CSNK1G1: variants seen among roughly 807,000 people sequenced by gnomAD.
CSNK1G1 encodes casein kinase 1 gamma 1.
CSNK1G1 carries 22 observed loss-of-function variants against 59.6 expected under a neutral mutation model. The observed-to-expected ratio is 0.37, with a 90% CI of 0.26 to 0.53. The LOEUF is 0.53. CSNK1G1 is among the 20% of genes least tolerant of loss of function. The pLI is 0.89. For missense variants in CSNK1G1, 384 were observed against 519.5 expected (o/e 0.74, Z 2.54); for synonymous variants, 179 against 177.1 (o/e 1.01, Z -0.08).
In CSNK1G1 at chr15:64,188,251, A is replaced by C; in HGVS notation, c.1108-7797T>G. ...AAGTCCACCTAGACAGAAAATCTAC[A>C]GAGATATTCAATTAGCCCTTCCTGT... On this transcript the variant is annotated intron_variant, in intron 10 of 11. Transcript: ENST00000303052. The surrounding 1 kb of genome is among the most constrained non-coding windows in gnomAD (Gnocchi z 4.2). 9.4e-6 allele frequency: 6 copies of C among 638,990 alleles called. No homozygotes were observed. The highest frequency in any genetic ancestry group is 1.6e-5 in the Non-Finnish European group (6 of 378,670). 39.6% of individuals were successfully genotyped at this position (638,990 alleles called of 1,614,324 possible). A position where few individuals can be genotyped will look rare whatever the true frequency, so the allele number is the denominator to read the frequency against.
chr15:64,171,878 A>C lies in CSNK1G1; in HGVS notation c.*53T>G. ...TCCAATGAGAAATGGCAGGAGCTGCAGGTACAATTGAGTCAGAGTCCCCAG... is the reference window on the plus strand; with the variant it reads ...TCCAATGAGAAATGGCAGGAGCTGCCGGTACAATTGAGTCAGAGTCCCCAG... On this transcript the variant is annotated 3_prime_UTR_variant, in exon 12 of 12. Transcript: ENST00000303052. This position sits in a 1 kb window ranked among gnomAD's most constrained non-coding sequence, Gnocchi z 4.8. 1.5e-5 allele frequency: 21 copies of C among 1,405,480 alleles called. No individual in the cohort carries two copies. Among genetic ancestry groups the C allele is most frequent in the Non-Finnish European group, 2.1e-5 (21 of 989,480 alleles). 87.1% of individuals were successfully genotyped at this position (1,405,480 alleles called of 1,614,324 possible).
At chr15:64,278,211 TA>T (rs1187485026) in intron 2 of CSNK1G1, among the ~76,000 whole-genome samples, 2 of 150,712 alleles carry the variant, frequency 1.3e-5, no homozygotes. Flanking sequence ...CACTCTTGGC[TA>T]ATTTTTGTAT....
Position 64,214,279 on chromosome 15 carries a change from CAAA to C in CSNK1G1, c.445-158_445-156del. 1 of 620,362 alleles carries C rather than the reference CAAA, an allele frequency of 1.6e-6. No homozygotes were observed. The highest frequency in any genetic ancestry group is 2.8e-6 in the Non-Finnish European group (1 of 351,576). The allele number at this position is 620,362 out of a possible 1,614,324, so 38.4% of individuals were successfully genotyped here. A position where few individuals can be genotyped will look rare whatever the true frequency, so the allele number is the denominator to read the frequency against. ...CTGAGTCACTTCACTGACTTGTAAA[CAAA>C]AAAATATTTTGCTATAAATACGTAC... On this transcript the variant is annotated intron_variant, in intron 5 of 11. Coordinates refer to ENST00000303052, the MANE Select transcript of CSNK1G1 (RefSeq NM_022048.5). This position sits in a 1 kb window ranked among gnomAD's most constrained non-coding sequence, Gnocchi z 4.3.
At chr15:64,223,394 A>C (rs2082416272) in intron 4 of CSNK1G1, among the ~76,000 whole-genome samples, 1 of 152,248 alleles carries the variant, frequency 6.6e-6, no homozygotes. Flanking sequence ...CACATGCGGT[A>C]AACAGGTACT....
intron 11 of CSNK1G1, among the ~76,000 whole-genome samples, chr15:64,179,839 C>T (rs1050863518): frequency 6.6e-6 from 1 of 152,204 alleles, no homozygotes; most frequent in Non-Finnish European, 1.5e-5. Context: ...TTCCCACACT[C>T]TCATTCACAG....
Position 64,213,877 on chromosome 15 carries a change from GA to G in CSNK1G1, c.679+12del. 2 of 1,583,650 alleles carry G rather than the reference GA, an allele frequency of 1.3e-6. No individual in the cohort carries two copies. The highest frequency in any genetic ancestry group is 2.2e-5 in the East Asian group (1 of 44,734). On this transcript the variant is annotated intron_variant, in intron 6 of 11. Transcript: ENST00000303052. The stretch of plus-strand genomic sequence containing the variant: ...AATGACTCGCCCCTTTCATGGAACA[GA>G]AAAAAACACACCTTTGCCAAGATGC...
At chr15:64,314,513 C>CAG (rs1250416472) in intron 1 of CSNK1G1, among the ~76,000 whole-genome samples, 1 of 149,474 alleles carries the variant, frequency 6.7e-6, no homozygotes, top group Non-Finnish European at 1.5e-5. Flanking sequence ...TTTATTCTCT[C>CAG]AGCAATTTTA....
chr15:64,228,171 C>G (rs922329715), intron 4 of CSNK1G1, among the ~76,000 whole-genome samples: 2 of 152,112 alleles, frequency 1.3e-5, no homozygotes, highest in African/African-American at 4.8e-5. Flanking sequence ...TCCTGTCCAC[C>G]TCTCTGTGGT....
intron 2 of CSNK1G1, among the ~76,000 whole-genome samples, chr15:64,289,496 C>T (rs972459526): frequency 1.3e-5 from 2 of 152,090 alleles, no homozygotes; most frequent in Non-Finnish European, 2.9e-5. Context: ...ATTTAAACTA[C>T]GATACTACTA....
In CSNK1G1 at chr15:64,166,879, G is replaced by A. The variant is rs1260656911; in HGVS notation, c.*5052C>T. ...ACCTTATAGATGGTGATGGCACTGGGAAAGTGATTGTGAGGAGTAAAAGAA... is the reference window on the plus strand; with the variant it reads ...ACCTTATAGATGGTGATGGCACTGGAAAAGTGATTGTGAGGAGTAAAAGAA... On this transcript the variant is annotated 3_prime_UTR_variant, in exon 12 of 12. Transcript: ENST00000303052. This position sits in a 1 kb window ranked among gnomAD's most constrained non-coding sequence, Gnocchi z 4.5. 3 of 152,632 alleles carry A rather than the reference G, an allele frequency of 2.0e-5. No homozygotes were observed. Among genetic ancestry groups the A allele is most frequent in the Admixed American group, 1.3e-4 (2 of 15,280 alleles). 9.5% of individuals were successfully genotyped at this position (152,632 alleles called of 1,614,324 possible). A position where few individuals can be genotyped will look rare whatever the true frequency, so the allele number is the denominator to read the frequency against.
rs2081925869 is a variant in CSNK1G1, at chr15:64,188,384, T to G, written c.1108-7930A>C. 3 of 1,535,780 alleles carry G rather than the reference T, an allele frequency of 2.0e-6. No homozygotes were observed. Among genetic ancestry groups the G allele is most frequent in the Non-Finnish European group, 2.6e-6 (3 of 1,146,718 alleles). ...TAAAGGCAGTAAATACCTGCACTGA[T>G]CCCCCATGGCGGTCTGCAGCCAAGT... On this transcript the variant is annotated intron_variant, in intron 10 of 11. Coordinates refer to ENST00000303052, the MANE Select transcript of CSNK1G1 (RefSeq NM_022048.5). This position sits in a 1 kb window ranked among gnomAD's most constrained non-coding sequence, Gnocchi z 4.2.
At chr15:64,288,562 A>ATG (rs926043078) in intron 2 of CSNK1G1, among the ~76,000 whole-genome samples, 1 of 150,350 alleles carries the variant, frequency 6.7e-6, no homozygotes, top group Non-Finnish European at 1.5e-5. Context: ...ATATATATAT[A>ATG]TGTGTGTATG....
intron 10 of CSNK1G1, 22 bp from the exon 11 acceptor site, chr15:64,180,476 G>A (rs2081797934): frequency 1.3e-6 from 2 of 1,577,326 alleles, no homozygotes; most frequent in Admixed American, 1.7e-5. Flanking sequence ...AGACAGAAGT[G>A]TGTGACAGGC....
At position 64,265,193 on chromosome 15, in the gene CSNK1G1, T is replaced by C. The variant is rs563495205; in HGVS notation, c.182-5952A>G. Among the ~76,000 whole-genome samples the C allele has an allele frequency of 2.6e-5, 4 of 152,196 alleles. No homozygotes were observed. The East Asian group carries it at 7.7e-4, about 29-fold the overall frequency. On this transcript the variant is annotated intron_variant, in intron 2 of 11. Transcript: ENST00000303052. ...GGATACAAAATTAACATACAAAAAT[T>C]AGTAGCATTTCTAATGCCAAAAACA...
intron 10 of CSNK1G1, among the ~76,000 whole-genome samples, chr15:64,187,198 T>G (rs1374327497): frequency 6.6e-6 from 1 of 150,574 alleles, no homozygotes; most frequent in Non-Finnish European, 1.5e-5. Flanking sequence ...CATCATGGTT[T>G]TTTTTGGGGG....
rs533868270 is a variant in CSNK1G1 at position 64,229,902 on chromosome 15, A to ATTTTTTTTTTTTTTTTTTTTTT, written c.293-13211_293-13190dup. Among the ~76,000 whole-genome samples, 19 of 43,804 alleles carry ATTTTTTTTTTTTTTTTTTTTTT rather than the reference A, an allele frequency of 4.3e-4. 7 individuals carry two copies. The highest frequency in any genetic ancestry group is 5.2e-4 in the Non-Finnish European group (13 of 24,788). 28.7% of individuals were successfully genotyped at this position (43,804 alleles called of 152,430 possible). On this transcript the variant is annotated intron_variant, in intron 4 of 11. Transcript: ENST00000303052. ...CCTATATTTTTGGGCATGTTTGTAA[A>ATTTTTTTTTTTTTTTTTTTTTT]TTTTTTTTTTTTTTTTTTTTTTTTT...
intron 4 of CSNK1G1, among the ~76,000 whole-genome samples, chr15:64,224,887 C>A (rs1327884352): frequency 6.6e-6 from 1 of 152,062 alleles, no homozygotes; most frequent in African/African-American, 2.4e-5. Flanking sequence ...ATTATGAATG[C>A]CTTGAGCCTT....
chr15:64,242,628 A>G (rs1310655465), intron 4 of CSNK1G1, among the ~76,000 whole-genome samples: 29 of 152,190 alleles, frequency 1.9e-4, no homozygotes, highest in Non-Finnish European at 2.9e-5. Context: ...ATGGCCTAAT[A>G]CGGCTTCACT....
intron 7 of CSNK1G1, among the ~76,000 whole-genome samples, chr15:64,206,335 G>A (rs2082179840): frequency 1.3e-5 from 2 of 152,128 alleles, no homozygotes; most frequent in African/African-American, 4.8e-5. Flanking sequence ...AGCTACTCAG[G>A]AGGCTGAGGC....
Sources: gnomAD v4.1 joint callset for allele counts (sites outside exome capture counted in the v4.1 genomes callset) on GRCh38, gnomAD v4.1.1 for gene constraint, Gnocchi (gnomAD v3.1) non-coding constraint, MANE v1.5 for transcripts, NCBI Gene and HGNC (gene_info 2026-07-23, HGNC 2026-07-21) for gene names.